Variants in POTEB3 observed in about 807,000 individuals in gnomAD.
POTEB3 encodes ANKRD26-like family B member 1.
In POTEB3, 5 loss-of-function variants were observed where a neutral mutation model predicts 39.8. The observed-to-expected ratio is 0.13, with a 90% CI of 0.07 to 0.26. The LOEUF is 0.26. Among genes scored for constraint, POTEB3 ranks in the 10% least tolerant of loss-of-function variants. The pLI is 1.00. For synonymous variants in POTEB3, 5 were observed against 161.5 expected (o/e 0.03, Z 7.35); for missense variants, 24 against 475.6 (o/e 0.05, Z 8.83).
At chr15:21,415,638 T>A (rs1263234114) in intron 9 of POTEB3, among the ~76,000 whole-genome samples, 4 of 50,892 alleles carry the variant, frequency 7.9e-5, no homozygotes, top group Non-Finnish European at 1.3e-4. Context: ...TTTTTTCTAA[T>A]ACAAAAAACC....
chr15:21,426,297 T>A (rs1898701145), intron 6 of POTEB3: 1 of 392,384 alleles, frequency 2.5e-6, no homozygotes, highest in Non-Finnish European at 4.9e-6. Flanking sequence ...TCATACCTAC[T>A]TTTTTTCAAA....
rs1354803449 is a variant in POTEB3, at chr15:21,407,673, A to C, written c.*1310T>G. Among the ~76,000 whole-genome samples the C allele has an allele frequency of 1.2e-5, 1 of 84,420 alleles. No homozygotes were observed. The highest frequency in any genetic ancestry group is 2.1e-5 in the Non-Finnish European group (1 of 47,584). The allele number at this position is 84,420 out of a possible 152,430, so 55.4% of individuals were successfully genotyped here. A position where few individuals can be genotyped will look rare whatever the true frequency, so the allele number is the denominator to read the frequency against. On this transcript the variant is annotated 3_prime_UTR_variant, in exon 11 of 11. Transcript: ENST00000611217. The stretch of plus-strand genomic sequence containing the variant: ...GTCAGACCAGCCCCATCTCATGTGC[A>C]AGACTGCCCAGCAGAGATCAGGTCT...
rs1898254072 is a variant in POTEB3, at chr15:21,408,364, TG to T, written c.*618del. ...CCAGGCCAGGAAGACCTGCCCATCATGGCCCACCCCTCTCTCTGGGAACTCT... is the reference window on the plus strand; with the variant it reads ...CCAGGCCAGGAAGACCTGCCCATCATGCCCACCCCTCTCTCTGGGAACTCT... On this transcript the variant is annotated 3_prime_UTR_variant, in exon 11 of 11. Coordinates refer to ENST00000611217, the MANE Select transcript of POTEB3 (RefSeq NM_207355.5). The T allele has an allele frequency of 2.0e-5, 1 of 49,806 alleles. No individual in the cohort carries two copies. 3.1% of individuals were successfully genotyped at this position (49,806 alleles called of 1,614,324 possible). A position where few individuals can be genotyped will look rare whatever the true frequency, so the allele number is the denominator to read the frequency against.
chr15:21,419,857 G>A (rs1898465246), intron 8 of POTEB3, among the ~76,000 whole-genome samples: 1 of 140,258 alleles, frequency 7.1e-6, no homozygotes, highest in South Asian at 2.2e-4. Flanking sequence ...GATTCCAGCT[G>A]TTTGACTGAA....
At chr15:21,433,659 T>C (rs2792416) in intron 3 of POTEB3, among the ~76,000 whole-genome samples, 2,627 of 118,322 alleles carry the variant, frequency 0.022, 11 homozygotes, top group East Asian at 0.036. Context: ...AAATTTTCCC[T>C]GGTAAGAGTA....
At position 21,405,773 on chromosome 15, in the gene POTEB3, G is replaced by C. The variant is rs1487639636; in HGVS notation, c.*3210C>G. Among the ~76,000 whole-genome samples, 2 of 83,434 alleles carry C rather than the reference G, an allele frequency of 2.4e-5. No individual in the cohort carries two copies. The highest frequency in any genetic ancestry group is 2.0e-4 in the Admixed American group (2 of 10,206). The allele number at this position is 83,434 out of a possible 152,430, so 54.7% of individuals were successfully genotyped here. On this transcript the variant is annotated 3_prime_UTR_variant, in exon 11 of 11. Coordinates refer to ENST00000611217, the MANE Select transcript of POTEB3 (RefSeq NM_207355.5). ...TAATTTTGCTGGACATGAAATTCCG[G>C]GTTGAAATTTCTTTTCTTTAAGATG... is the stretch of plus-strand genomic sequence containing the variant.
At chr15:21,417,048 G>C (rs1898418412) in intron 9 of POTEB3, among the ~76,000 whole-genome samples, 1 of 70,494 alleles carries the variant, frequency 1.4e-5, no homozygotes, top group Admixed American at 1.1e-4. Flanking sequence ...AACAGACCAT[G>C]ATGAATGGAC....
chr15:21,414,694 A>T (rs1465152397), intron 9 of POTEB3, among the ~76,000 whole-genome samples: 1 of 89,690 alleles, frequency 1.1e-5, no homozygotes, highest in Non-Finnish European at 2.0e-5. Context: ...GGAAGCAAAA[A>T]ATTCCAACTC....
intron 3 of POTEB3, among the ~76,000 whole-genome samples, chr15:21,433,981 G>T (rs1899082254): frequency 6.9e-6 from 1 of 144,142 alleles, no homozygotes; most frequent in African/African-American, 2.6e-5. Context: ...AAATGGAAAA[G>T]AACCCTGTCT....
chr15:21,434,427 T>A (rs1385750266), intron 3 of POTEB3, among the ~76,000 whole-genome samples: 1 of 76,490 alleles, frequency 1.3e-5, no homozygotes, highest in Non-Finnish European at 2.7e-5. Context: ...ACAAATTCCG[T>A]GTTTTTTTTT....
intron 9 of POTEB3, among the ~76,000 whole-genome samples, chr15:21,412,682 G>GA (rs1283239626): frequency 4.3e-5 from 3 of 69,556 alleles, no homozygotes; most frequent in Non-Finnish European, 7.4e-5. Flanking sequence ...ATGGTGCTGG[G>GA]AAAAAAAGAT....
intron 10 of POTEB3, 116 bp downstream of exon 10, chr15:21,410,762 G>GAC (rs1209187060): frequency 2.4e-5 from 14 of 593,374 alleles, no homozygotes; most frequent in Admixed American, 1.7e-4. Flanking sequence ...CACACACACA[G>GAC]ACACACACAC....
chr15:21,427,072 TG>T (rs148804304), intron 6 of POTEB3, among the ~76,000 whole-genome samples: 5,543 of 143,828 alleles, frequency 0.039, 19 homozygotes, highest in African/African-American at 0.11. Context: ...GGCGTTCTTT[TG>T]TGATCAAAAA....
At chr15:21,409,989 A>G in intron 10 of POTEB3, among the ~76,000 whole-genome samples, 1 of 93,322 alleles carries the variant, frequency 1.1e-5, no homozygotes, top group Non-Finnish European at 2.0e-5. Context: ...ACACACACAC[A>G]CACACACACA....
At chr15:21,434,418 C>T (rs1314717576) in intron 3 of POTEB3, among the ~76,000 whole-genome samples, 3 of 79,612 alleles carry the variant, frequency 3.8e-5, no homozygotes, top group Non-Finnish European at 7.7e-5. Context: ...TTACCTTTTA[C>T]AAATTCCGTG....
intron 3 of POTEB3, among the ~76,000 whole-genome samples, chr15:21,433,094 AT>A (rs1488923775): frequency 6.7e-6 from 1 of 148,294 alleles, no homozygotes; most frequent in Admixed American, 6.7e-5. Context: ...ACAAACAAAA[AT>A]TTAGATTAAT....
intron 6 of POTEB3, among the ~76,000 whole-genome samples, chr15:21,423,477 T>G (rs1898587607): frequency 5.3e-5 from 1 of 19,020 alleles, no homozygotes; most frequent in Non-Finnish European, 1.1e-4. Context: ...AGGTAACTCC[T>G]TCCTTGAGGT....
intron 9 of POTEB3, among the ~76,000 whole-genome samples, chr15:21,413,544 A>ATATATG (rs1555369171): frequency 3.6e-5 from 1 of 27,654 alleles, no homozygotes; most frequent in Non-Finnish European, 5.7e-5. Flanking sequence ...ATATATATAT[A>ATATATG]TATATATATG....
At chr15:21,434,327 T>TA (rs1899105749) in intron 3 of POTEB3, among the ~76,000 whole-genome samples, 1 of 128,486 alleles carries the variant, frequency 7.8e-6, no homozygotes, top group African/African-American at 3.2e-5. Context: ...ATGTAAAACC[T>TA]ATTTCCAGGG....
Sources: gnomAD v4.1 joint callset for allele counts (sites outside exome capture counted in the v4.1 genomes callset) on GRCh38, gnomAD v4.1.1 for gene constraint, MANE v1.5 for transcripts, NCBI Gene and HGNC (gene_info 2026-07-23, HGNC 2026-07-21) for gene names.